The following SYS1 variants were observed in gnomAD, a reference collection of about 807,000 sequenced individuals.
SYS1 encodes the protein SYS1 golgi trafficking protein, also known as protein SYS1 homolog.
In SYS1, 8 loss-of-function variants were observed where a neutral mutation model predicts 17.8. That is an observed-to-expected ratio of 0.45 (90% CI 0.26 to 0.81). The LOEUF (loss-of-function observed/expected upper bound fraction) is 0.81. Ranked by LOEUF, SYS1 falls within the 40% of genes least tolerant of loss-of-function variation. The pLI, the probability that SYS1 is intolerant of heterozygous loss-of-function variation, is 0.16. For synonymous variants in SYS1, 95 were observed against 90.9 expected, an observed-to-expected ratio of 1.05 and a Z score of -0.26; for missense variants, 161 against 203.9, an observed-to-expected ratio of 0.79 and a Z score of 1.28.
chr20:45,371,745 A>G (rs1252216188), downstream of SYS1, among the ~76,000 whole-genome samples: 1 of 152,238 alleles, frequency 6.6e-6, no homozygotes, highest in African/African-American at 2.4e-5. Flanking sequence ...ACAAGCAGCT[A>G]GTTCCATAAA....
chr20:45,365,584 T>C, intron 2 of SYS1, 35 bp from the exon 3 acceptor site: 2 of 1,608,918 alleles, frequency 1.2e-6, no homozygotes, highest in South Asian at 2.2e-5. Flanking sequence ...CCAAGTCACT[T>C]CTCCAGTATA....
In SYS1 at chr20:45,365,708, A is replaced by C. The variant is rs537762148; in HGVS notation, c.230+22A>C. The C allele has an allele frequency of 1.2e-5, 20 of 1,612,784 alleles. No individual in the cohort carries two copies. The African/African-American group carries it at 2.0e-4, about 16-fold the overall frequency. ...CCTGGTGAGTATCACCAGTTTTGCT[A>C]TCCAGCTTTTGGGCTCTTAGTGCTG... On this transcript the variant is annotated intron_variant, in intron 3 of 3. Coordinates refer to ENST00000243918, the MANE Select transcript of SYS1 (RefSeq NM_033542.4).
In SYS1 at chr20:45,368,786, A is replaced by G. The variant is rs763095709; in HGVS notation, c.*1671A>G. The G allele has an allele frequency of 8.1e-6, 8 of 985,434 alleles. No individual in the cohort carries two copies. Among genetic ancestry groups the G allele is most frequent in the Non-Finnish European group, 9.6e-6 (8 of 829,934 alleles). The allele number at this position is 985,434 out of a possible 1,614,324, so 61.0% of individuals were successfully genotyped here. Reference sequence around the variant, plus strand: ...TCCCTGGGTTAATCAATTTCCCTCTAGACAACACAAACTGCAGGCATGTGA... The same window carrying G: ...TCCCTGGGTTAATCAATTTCCCTCTGGACAACACAAACTGCAGGCATGTGA... On this transcript the variant is annotated 3_prime_UTR_variant, in exon 4 of 4. Transcript: ENST00000243918.
At chr20:45,373,920 C>T (rs1435669388), downstream of SYS1, 2 of 1,613,930 alleles carry the variant, frequency 1.2e-6, no homozygotes, top group East Asian at 2.2e-5. Context: ...TTTGTAGACT[C>T]GTGAATTTCG....
In SYS1 at chr20:45,369,126, T is replaced by TA. The variant is rs1372272532; in HGVS notation, c.*2012dup. 1 of 153,334 alleles carries TA rather than the reference T, an allele frequency of 6.5e-6. No individual in the cohort carries two copies. Among genetic ancestry groups the TA allele is most frequent in the Non-Finnish European group, 1.4e-5 (1 of 69,100 alleles). The allele number at this position is 153,334 out of a possible 1,614,324, so 9.5% of individuals were successfully genotyped here. ...CTAAAGTAACAATAAAAGCAGTTTT[T>TA]AGAGTTGAGTTCCAGAGAGGGCAGG... On this transcript the variant is annotated 3_prime_UTR_variant, in exon 4 of 4. Transcript: ENST00000243918.
downstream of SYS1, among the ~76,000 whole-genome samples, chr20:45,372,268 T>C (rs1988578058): frequency 6.6e-6 from 1 of 152,210 alleles, no homozygotes; most frequent in Non-Finnish European, 1.5e-5. Flanking sequence ...ACCTGCCCCT[T>C]GCTGCCCTGG....
At chr20:45,369,847 G>T (rs188818459), downstream of SYS1, among the ~76,000 whole-genome samples, 173 of 151,798 alleles carry the variant, frequency 1.1e-3, no homozygotes, top group African/African-American at 4.0e-3. Flanking sequence ...TCGAACTCCT[G>T]GGCTCAAGAG....
Position 45,368,431 on chromosome 20 carries a change from C to T in SYS1, c.*1316C>T. ...TTCCGCATTGAAACCTTCACTGTTC[C>T]TCTTTGGTTTCTTCAGAGCTTTCCC... On this transcript the variant is annotated 3_prime_UTR_variant, in exon 4 of 4. Coordinates refer to ENST00000243918, the MANE Select transcript of SYS1 (RefSeq NM_033542.4). The T allele has an allele frequency of 2.0e-6, 2 of 985,430 alleles. No homozygotes were observed. 61.0% of individuals were successfully genotyped at this position (985,430 alleles called of 1,614,324 possible).
At chr20:45,374,464 G>A (rs564429625) in exon 4 of SYS1, 17 of 568,834 alleles carry the variant, frequency 3.0e-5, no homozygotes, top group African/African-American at 2.8e-4. Context: ...TAGAGACAGT[G>A]TCTCATTATG....
chr20:45,365,647 G>A lies in SYS1; in HGVS notation c.191G>A (p.Arg64Gln), dbSNP rs1988387179. The A allele has an allele frequency of 6.8e-6, 11 of 1,614,102 alleles. No individual in the cohort carries two copies. The highest frequency in any genetic ancestry group is 1.1e-5 in the South Asian group (1 of 91,074). Residue 64 changes from arginine to glutamine, a missense_variant, in exon 3 of 4, where the codon CGG becomes CAG. Physicochemically the swap from Arg to Gln is conservative, Grantham distance 43. Coordinates refer to ENST00000243918, the MANE Select transcript of SYS1 (RefSeq NM_033542.4). ...EILGFSTPPG[R>Q]LSMMSFILNA... ...CTGGGCTTTTCCACCCCTCCAGGCCGGCTCTCCATGATGTCCTTCATCCTC... is the reference window on the plus strand; with the variant it reads ...CTGGGCTTTTCCACCCCTCCAGGCCAGCTCTCCATGATGTCCTTCATCCTC...
chr20:45,374,715 G>T, exon 4 of SYS1: 2 of 445,082 alleles, frequency 4.5e-6, no homozygotes, highest in East Asian at 7.4e-5. Context: ...ACCCACTTAT[G>T]TAGGCCTCTG....
chr20:45,364,317 G>A (rs2145349558), intron 2 of SYS1, among the ~76,000 whole-genome samples: 1 of 152,240 alleles, frequency 6.6e-6, no homozygotes, highest in East Asian at 1.9e-4. Flanking sequence ...TCTGAAAAGT[G>A]GGCCGGATGC....
exon 4 of SYS1, chr20:45,375,217 C>G: frequency 6.2e-7 from 1 of 1,614,196 alleles, no homozygotes; most frequent in Non-Finnish European, 8.5e-7. Context: ...CTTCATGTGC[C>G]CCATGGGAGT....
chr20:45,365,376 G>C (rs1988376853), intron 2 of SYS1: 2 of 601,176 alleles, frequency 3.3e-6, no homozygotes, highest in Non-Finnish European at 6.1e-6. Flanking sequence ...TAACTTGTCT[G>C]AGTTTTTACG....
At chr20:45,363,716 G>C (rs1172610817) in intron 2 of SYS1, 23 bp downstream of exon 2, 1 of 1,548,262 alleles carries the variant, frequency 6.5e-7, no homozygotes, top group Non-Finnish European at 8.7e-7. Flanking sequence ...GACTGGGGCG[G>C]GTGGGGTCTC....
chr20:45,373,836 C>T (rs6065810), downstream of SYS1: 1 of 1,489,108 alleles, frequency 6.7e-7, no homozygotes, highest in Non-Finnish European at 9.4e-7. Context: ...GGCCTCTTTC[C>T]TTCATCCTTC....
chr20:45,374,522 T>C (rs1988662079), exon 4 of SYS1: 1 of 530,092 alleles, frequency 1.9e-6, no homozygotes, highest in Admixed American at 3.6e-5. Context: ...TCTTCCTGCC[T>C]CGACCTCCCA....
At chr20:45,375,229 C>G in exon 4 of SYS1, 1 of 1,614,170 alleles carries the variant, frequency 6.2e-7, no homozygotes, top group South Asian at 1.1e-5. Flanking sequence ...CATGGGAGTT[C>G]TATTGCGGTA....
In SYS1 at chr20:45,368,754, A is replaced by T. The variant is rs773434024; in HGVS notation, c.*1639A>T. 274 of 985,306 alleles carry T rather than the reference A, an allele frequency of 2.8e-4. No homozygotes were observed. Among genetic ancestry groups the T allele is most frequent in the Non-Finnish European group, 3.2e-4 (264 of 829,938 alleles). 61.0% of individuals were successfully genotyped at this position (985,306 alleles called of 1,614,324 possible). A position where few individuals can be genotyped will look rare whatever the true frequency, so the allele number is the denominator to read the frequency against. On this transcript the variant is annotated 3_prime_UTR_variant, in exon 4 of 4. Coordinates refer to ENST00000243918, the MANE Select transcript of SYS1 (RefSeq NM_033542.4). Reference sequence around the variant, plus strand: ...GGTCTAGGAGGTAAGACCAGCTGGGATGACCTTCCCTGGGTTAATCAATTT... The same window carrying T: ...GGTCTAGGAGGTAAGACCAGCTGGGTTGACCTTCCCTGGGTTAATCAATTT...
Sources: allele counts gnomAD v4.1 joint callset (sites outside exome capture counted in the v4.1 genomes callset), GRCh38; gene constraint gnomAD v4.1.1; transcripts MANE v1.5; gene names NCBI Gene and HGNC (gene_info 2026-07-23, HGNC 2026-07-21).